STXBP5L: variants seen among roughly 807,000 people sequenced by gnomAD.
STXBP5L encodes syntaxin-binding protein 5-like.
Under a neutral mutation model 144.5 loss-of-function variants are expected in STXBP5L, and 65 were observed. The observed-to-expected ratio is 0.45, with a 90% CI of 0.37 to 0.55. STXBP5L has a LOEUF of 0.55. Ranked by LOEUF, STXBP5L falls within the 20% of genes least tolerant of loss-of-function variation. The probability of loss-of-function intolerance (pLI) is 0.00; values close to 1 mark genes in which losing one functional copy is unlikely to be tolerated. For missense variants in STXBP5L, 1,298 were observed against 1,405.5 expected (o/e 0.92, Z 1.22); for synonymous variants, 505 against 469.6 (o/e 1.08, Z -0.97).
chr3:121,092,340 G>A (rs2042855471), intron 5 of STXBP5L, among the ~76,000 whole-genome samples: 2 of 152,040 alleles, frequency 1.3e-5, no homozygotes, highest in African/African-American at 4.8e-5. Flanking sequence ...GGATGGCATT[G>A]AATCTATAAA....
intron 2 of STXBP5L, among the ~76,000 whole-genome samples, chr3:120,917,798 C>G (rs1165397270): frequency 6.6e-6 from 1 of 152,196 alleles, no homozygotes; most frequent in Non-Finnish European, 1.5e-5. Flanking sequence ...CATTTGAATT[C>G]TCAGTGAAAT....
At chr3:121,018,903 C>A (rs537170761) in intron 3 of STXBP5L, among the ~76,000 whole-genome samples, 33 of 152,322 alleles carry the variant, frequency 2.2e-4, no homozygotes, top group African/African-American at 7.9e-4. Context: ...ATTGCTGCTG[C>A]AGGCTCTATG....
At chr3:121,408,023 T>C (rs2047034999) in intron 23 of STXBP5L, among the ~76,000 whole-genome samples, 1 of 151,892 alleles carries the variant, frequency 6.6e-6, no homozygotes, top group African/African-American at 2.4e-5. Context: ...ACATACAGAG[T>C]TTCATTTGAT....
intron 5 of STXBP5L, among the ~76,000 whole-genome samples, chr3:121,074,317 C>T (rs1238833758): frequency 6.6e-6 from 1 of 152,172 alleles, no homozygotes; most frequent in East Asian, 1.9e-4. Context: ...GGCACAATGG[C>T]ATATAATGTA....
chr3:121,066,722 G>T (rs1057382181), intron 5 of STXBP5L, among the ~76,000 whole-genome samples: 2 of 151,992 alleles, frequency 1.3e-5, no homozygotes, highest in Non-Finnish European at 2.9e-5. Flanking sequence ...TCATAGTTAT[G>T]TCGACTTTAT....
intron 9 of STXBP5L, among the ~76,000 whole-genome samples, chr3:121,196,857 T>TTGAC (rs1373285648): frequency 6.6e-6 from 1 of 151,496 alleles, no homozygotes; most frequent in Non-Finnish European, 1.5e-5. Context: ...GATTGATTGA[T>TTGAC]TGATTGATTG....
intron 19 of STXBP5L, among the ~76,000 whole-genome samples, chr3:121,296,628 T>C (rs114060950): frequency 1.6e-3 from 247 of 152,326 alleles, no homozygotes; most frequent in African/African-American, 5.8e-3. Context: ...AGCAGAAAGC[T>C]ACTGCTGCTT....
intron 17 of STXBP5L, among the ~76,000 whole-genome samples, chr3:121,257,791 G>A (rs1426868996): frequency 1.3e-5 from 2 of 152,120 alleles, no homozygotes; most frequent in African/African-American, 4.8e-5. Context: ...TGGGTGTGAT[G>A]GTACACACCT....
At chr3:121,004,108 G>A (rs534187189) in intron 3 of STXBP5L, among the ~76,000 whole-genome samples, 3 of 152,160 alleles carry the variant, frequency 2.0e-5, no homozygotes, top group African/African-American at 7.2e-5. Context: ...TAGCTTGATG[G>A]GGATGGCACT....
At chr3:121,044,530 A>G (rs769789581) in intron 4 of STXBP5L, among the ~76,000 whole-genome samples, 7 of 152,204 alleles carry the variant, frequency 4.6e-5, no homozygotes, top group Non-Finnish European at 1.0e-4. Flanking sequence ...CCTTTTAGGT[A>G]TCTCTGGACA....
intron 3 of STXBP5L, among the ~76,000 whole-genome samples, chr3:120,976,454 G>A (rs1576543442): frequency 6.6e-6 from 1 of 152,014 alleles, no homozygotes; most frequent in African/African-American, 2.4e-5. Flanking sequence ...TAGTAGTCTT[G>A]CTAGCAGTGT....
intron 9 of STXBP5L, among the ~76,000 whole-genome samples, chr3:121,173,579 G>T (rs191574884): frequency 8.6e-5 from 13 of 151,980 alleles, no homozygotes; most frequent in Admixed American, 8.5e-4. Flanking sequence ...GCCTACTGTT[G>T]ACCAGAAGCT....
At position 121,331,038 on chromosome 3, in the gene STXBP5L, A is replaced by C. The variant is rs186110481; in HGVS notation, c.2176+12498A>C. 2.6e-4 allele frequency among the ~76,000 whole-genome samples: 40 copies of C among 152,328 alleles called. No individual in the cohort carries two copies. The East Asian group carries it at 6.0e-3, about 23-fold the overall frequency. The stretch of plus-strand genomic sequence containing the variant: ...CTGAAGCGTGGCAGCCCCACAGGGC[A>C]GCTAGACCCAGAAGAGCAGCATTCA... On this transcript the variant is annotated intron_variant, in intron 20 of 26. Coordinates refer to ENST00000471454, the MANE Select transcript of STXBP5L (RefSeq NM_001308330.2).
At chr3:121,342,831 G>C (rs1198036991) in intron 20 of STXBP5L, among the ~76,000 whole-genome samples, 1 of 147,922 alleles carries the variant, frequency 6.8e-6, no homozygotes, top group Non-Finnish European at 1.5e-5. Flanking sequence ...CTTTATAGCA[G>C]CATGATTTAT....
At chr3:121,401,586 C>T (rs2046874792) in intron 22 of STXBP5L, among the ~76,000 whole-genome samples, 1 of 138,608 alleles carries the variant, frequency 7.2e-6, no homozygotes, top group South Asian at 2.6e-4. Flanking sequence ...GAGTTCATGT[C>T]CTTTGTAGGG....
At chr3:121,350,891 G>A (rs754180033) in intron 20 of STXBP5L, among the ~76,000 whole-genome samples, 10 of 151,942 alleles carry the variant, frequency 6.6e-5, no homozygotes, top group Non-Finnish European at 1.2e-4. Context: ...TAACTTCTTT[G>A]CCATGGGTTT....
chr3:121,372,140 C>G (rs2046049868), intron 20 of STXBP5L, among the ~76,000 whole-genome samples: 1 of 152,112 alleles, frequency 6.6e-6, no homozygotes, highest in African/African-American at 2.4e-5. Flanking sequence ...CAGTCAGGCA[C>G]AGTCCACCAG....
Position 121,418,446 on chromosome 3 carries a change from G to A in STXBP5L, c.3336G>A (p.Leu1112=). The A allele has an allele frequency of 1.9e-6, 3 of 1,614,084 alleles. No homozygotes were observed. The highest frequency in any genetic ancestry group is 2.5e-6 in the Non-Finnish European group (3 of 1,179,984). The part of the protein sequence containing the change: ...KGAAGGVMGE[L]TRARIALDER... ...CTGCTGGAGGGGTGATGGGAGAGCT[G>A]ACCCGTGCACGGATTGCACTTGATG... is the stretch of plus-strand genomic sequence containing the variant. The change falls in exon 26 of 27, where the codon CTG becomes CTA. Residue 1112 remains leucine, a synonymous_variant. Transcript: ENST00000471454.
chr3:121,046,736 G>T (rs1318310793), intron 5 of STXBP5L, among the ~76,000 whole-genome samples: 1 of 151,776 alleles, frequency 6.6e-6, no homozygotes, highest in Non-Finnish European at 1.5e-5. Context: ...TGTTTATTTG[G>T]ATCTTCTCTC....
Sources: gnomAD v4.1 joint callset for allele counts (sites outside exome capture counted in the v4.1 genomes callset) on GRCh38, gnomAD v4.1.1 for gene constraint, MANE v1.5 for transcripts, NCBI Gene and HGNC (gene_info 2026-07-23, HGNC 2026-07-21) for gene names.